Variants in NECAB2 observed in about 807,000 individuals in gnomAD.
NECAB2 encodes N-terminal EF-hand calcium-binding protein 2.
A neutral mutation model predicts 51.9 loss-of-function variants in NECAB2; 68 were observed. That is an observed-to-expected ratio of 1.31 (90% CI 1.08 to 1.60). The LOEUF is 1.60. NECAB2 is among the 40% of genes most tolerant of loss of function. The pLI is 0.00. For synonymous variants in NECAB2, 329 were observed against 203.5 expected, an observed-to-expected ratio of 1.62 and a Z score of -5.25; for missense variants, 854 against 490.3, an observed-to-expected ratio of 1.74 and a Z score of -7.00.
intron 5 of NECAB2, among the ~76,000 whole-genome samples, chr16:83,987,001 A>C (rs2084565339): frequency 6.6e-6 from 1 of 152,208 alleles, no homozygotes; most frequent in Non-Finnish European, 1.5e-5. Context: ...CATGTAACAA[A>C]CAGGCATAAG....
intron 6 of NECAB2, among the ~76,000 whole-genome samples, chr16:83,992,927 G>T (rs560254929): frequency 1.3e-5 from 2 of 151,788 alleles, no homozygotes; most frequent in African/African-American, 4.9e-5. Context: ...TTCTCCTGCC[G>T]CAGAACAGAT....
intron 5 of NECAB2, among the ~76,000 whole-genome samples, chr16:83,988,499 A>G (rs1452808496): frequency 1.3e-5 from 2 of 152,204 alleles, no homozygotes; most frequent in African/African-American, 4.8e-5. Flanking sequence ...TAAATCCAAT[A>G]TAGTTGAAAT....
At chr16:83,984,456 C>T (rs1006007418) in intron 5 of NECAB2, among the ~76,000 whole-genome samples, 1 of 152,048 alleles carries the variant, frequency 6.6e-6, no homozygotes, top group Non-Finnish European at 1.5e-5. Context: ...CTCACGGTGG[C>T]TCACGCCTGT....
rs151091630 is a variant in NECAB2 at position 83,986,552 on chromosome 16, G to A, written c.460-3942G>A. ...GATAAAGACGGGGTCTTGTTGTGTT[G>A]CCCAGGCTGGAGTACAGTGGCACAG... On this transcript the variant is annotated intron_variant, in intron 5 of 12. Coordinates refer to ENST00000305202, the MANE Select transcript of NECAB2 (RefSeq NM_019065.3). Among the ~76,000 whole-genome samples, 15 of 152,218 alleles carry A rather than the reference G, an allele frequency of 9.9e-5. No individual in the cohort carries two copies. In the East Asian group the frequency reaches 1.7e-3, roughly 18 times the overall value.
intron 2 of NECAB2, among the ~76,000 whole-genome samples, chr16:83,976,230 G>T (rs868834714): frequency 6.6e-6 from 1 of 152,172 alleles, no homozygotes; most frequent in Non-Finnish European, 1.5e-5. Flanking sequence ...CTGGGTAGGT[G>T]GCGATGTCGC....
In NECAB2 at chr16:84,002,596, C is replaced by T; in HGVS notation, c.*250C>T. The T allele has an allele frequency of 1.7e-6, 1 of 582,434 alleles. No homozygotes were observed. Among genetic ancestry groups the T allele is most frequent in the Non-Finnish European group, 3.1e-6 (1 of 327,156 alleles). The allele number at this position is 582,434 out of a possible 1,614,324, so 36.1% of individuals were successfully genotyped here. A position where few individuals can be genotyped will look rare whatever the true frequency, so the allele number is the denominator to read the frequency against. ...GGGCGGCTTCCTGGAGCCAGCACCC[C>T]TGCCTCCTGGTCCTGGCCTCTCCCC... On this transcript the variant is annotated 3_prime_UTR_variant, in exon 13 of 13. Transcript: ENST00000305202.
At chr16:83,983,585 C>G (rs919610712) in intron 5 of NECAB2, among the ~76,000 whole-genome samples, 7 of 152,088 alleles carry the variant, frequency 4.6e-5, no homozygotes, top group Non-Finnish European at 7.4e-5. Context: ...TTTAAATGAT[C>G]ATATGATTTT....
At chr16:83,966,063 C>T (rs1317611060), upstream of NECAB2, 12 of 1,326,794 alleles carry the variant, frequency 9.0e-6, no homozygotes, top group Non-Finnish European at 1.1e-5. Flanking sequence ...TGACCACATC[C>T]CTGCTGGATG....
At chr16:84,001,943 G>A (rs1449398219) in intron 12 of NECAB2, 27 bp downstream of exon 12, 3 of 1,606,306 alleles carry the variant, frequency 1.9e-6, no homozygotes, top group African/African-American at 2.7e-5. Context: ...TGGAACTGCA[G>A]TGGCCACCTG....
chr16:83,970,149 C>A (rs1197486344), intron 1 of NECAB2, among the ~76,000 whole-genome samples: 2 of 152,164 alleles, frequency 1.3e-5, no homozygotes, highest in African/African-American at 4.8e-5. Context: ...CCTGCCCAGT[C>A]AGGGTGGGGG....
At chr16:84,002,131 C>T (rs1597235881) in intron 12 of NECAB2, among the ~76,000 whole-genome samples, 187 bp from the exon 13 acceptor site, 2 of 152,188 alleles carry the variant, frequency 1.3e-5, no homozygotes, top group South Asian at 4.1e-4. Flanking sequence ...TCCACGGCCC[C>T]CTACTTCCAG....
intron 1 of NECAB2, among the ~76,000 whole-genome samples, 184 bp downstream of exon 1, chr16:83,969,033 G>T (rs1401864909): frequency 6.6e-6 from 1 of 150,724 alleles, no homozygotes; most frequent in Admixed American, 6.6e-5. Flanking sequence ...CCGGTCTCCA[G>T]CCCAGTCCTC....
At chr16:83,981,005 CT>C (rs1281442237) in intron 4 of NECAB2, 24 bp from the exon 5 acceptor site, 1 of 1,611,944 alleles carries the variant, frequency 6.2e-7, no homozygotes, top group Non-Finnish European at 8.5e-7. Flanking sequence ...CCTGTGACCC[CT>C]GACCTTTGCC....
chr16:84,002,405 C>A lies in NECAB2; in HGVS notation c.*59C>A, dbSNP rs1352322368. On this transcript the variant is annotated 3_prime_UTR_variant, in exon 13 of 13. Transcript: ENST00000305202. ...GCCCCTTCTTCTTGTGAAGGAAATC[C>A]CGTTTTTTTCTAGACAGACACTTTG... 1 of 1,552,652 alleles carries A rather than the reference C, an allele frequency of 6.4e-7. No individual in the cohort carries two copies. Among genetic ancestry groups the A allele is most frequent in the Non-Finnish European group, 8.7e-7 (1 of 1,144,046 alleles).
chr16:83,967,384 TGG>T (rs1215310267), upstream of NECAB2, among the ~76,000 whole-genome samples: 1 of 78,162 alleles, frequency 1.3e-5, no homozygotes, highest in African/African-American at 5.0e-5. Context: ...GATGGGAGGA[TGG>T]GTGGGTGGGT....
At chr16:84,002,060 C>A in intron 12 of NECAB2, 144 bp downstream of exon 12, 1 of 1,098,710 alleles carries the variant, frequency 9.1e-7, no homozygotes, top group Non-Finnish European at 1.3e-6. Context: ...AGGCTCAGAG[C>A]CAGCCCTGAG....
intron 5 of NECAB2, among the ~76,000 whole-genome samples, chr16:83,984,071 C>G (rs1161689795): frequency 6.7e-6 from 1 of 149,460 alleles, no homozygotes; most frequent in East Asian, 2.0e-4. Context: ...TCCCAGCTCA[C>G]TGCCAGCTCC....
At chr16:83,981,004 C>T (rs201516298) in intron 4 of NECAB2, 26 bp from the exon 5 acceptor site, 1 of 1,611,668 alleles carries the variant, frequency 6.2e-7, no homozygotes. Flanking sequence ...ACCTGTGACC[C>T]CTGACCTTTG....
chr16:83,990,533 C>T lies in NECAB2; in HGVS notation c.499C>T (p.Arg167Cys), dbSNP rs767033571. 45 of 1,614,012 alleles carry T rather than the reference C, an allele frequency of 2.8e-5. No homozygotes were observed. Among genetic ancestry groups the T allele is most frequent in the Middle Eastern group, 1.6e-4 (1 of 6,084 alleles). ...GGSNVDQFVTRFLLKETANQI... is the reference protein window; with the variant it reads ...GGSNVDQFVTCFLLKETANQI... ...GAGCAACGTGGACCAGTTTGTGACC[C>T]GCTTCCTCCTGAAGGAGACGGCCAA... The change falls in exon 6 of 13, where the codon CGC becomes TGC. Residue 167 changes from arginine (R) to cysteine (C), a missense_variant. By Grantham distance (180) the Arg-to-Cys change is radical. Coordinates refer to ENST00000305202, the MANE Select transcript of NECAB2 (RefSeq NM_019065.3).
Sources: gnomAD v4.1 joint callset for allele counts (sites outside exome capture counted in the v4.1 genomes callset) on GRCh38, gnomAD v4.1.1 for gene constraint, MANE v1.5 for transcripts, NCBI Gene and HGNC (gene_info 2026-07-23, HGNC 2026-07-21) for gene names.